AMDHD2: variants seen among roughly 807,000 people sequenced by gnomAD.
AMDHD2 encodes amidohydrolase domain containing 2, also known as N-acetylglucosamine-6-phosphate deacetylase.
A neutral mutation model predicts 41.8 loss-of-function variants in AMDHD2; 24 were observed. The observed-to-expected ratio is 0.57, with a 90% confidence interval of 0.42 to 0.81. The LOEUF (loss-of-function observed/expected upper bound fraction) is 0.81. AMDHD2 is among the 30% of genes least tolerant of loss of function. AMDHD2 has a pLI of 0.00. For missense variants in AMDHD2, 540 were observed against 588.5 expected (o/e 0.92, Z 0.85); for synonymous variants, 332 against 255.5 (o/e 1.30, Z -2.85).
In AMDHD2 at chr16:2,527,479, C is replaced by G. The variant is rs1415809636; in HGVS notation, c.361-82C>G. ...TGGGTGCTGGGCTCTGAACTCTGAC[C>G]TGAGATCTCTGGCCTTGGCTAGGCT... is the stretch of plus-strand genomic sequence containing the variant. On this transcript the variant is annotated intron_variant, in intron 3 of 10. Transcript: ENST00000293971. This position sits in a 1 kb window ranked among gnomAD's most constrained non-coding sequence, Gnocchi z 6.1. 1.3e-6 allele frequency: 2 copies of G among 1,495,766 alleles called. No homozygotes were observed. Among genetic ancestry groups the G allele is most frequent in the African/African-American group, 2.7e-5 (2 of 72,760 alleles). The allele number at this position is 1,495,766 out of a possible 1,614,324, so 92.7% of individuals were successfully genotyped here.
In AMDHD2 at chr16:2,530,337, A is replaced by G; in HGVS notation, c.*774A>G. ...GGCACCAGTGTGCCCTGCTCACCCC[A>G]TTAGTGTCATCCTGCCATCTTCTGT... On this transcript the variant is annotated 3_prime_UTR_variant, in exon 11 of 11. Coordinates refer to ENST00000293971, the MANE Select transcript of AMDHD2 (RefSeq NM_001330449.2). The G allele has an allele frequency of 1.2e-6, 2 of 1,614,128 alleles. No homozygotes were observed. Among genetic ancestry groups the G allele is most frequent in the Non-Finnish European group, 1.7e-6 (2 of 1,180,006 alleles).
intron 9 of AMDHD2, 53 bp from the exon 10 acceptor site, chr16:2,528,941 T>G: frequency 1.3e-6 from 2 of 1,535,468 alleles, no homozygotes; most frequent in Admixed American, 4.2e-5. Flanking sequence ...TGGGGGCTGT[T>G]GGCAAAGCCA....
Position 2,529,092 on chromosome 16 carries a change from G to A in AMDHD2, c.1138G>A (p.Ala380Thr). The A allele has an allele frequency of 3.8e-6, 6 of 1,574,092 alleles. No homozygotes were observed. The highest frequency in any genetic ancestry group is 1.9e-4 in the Middle Eastern group (1 of 5,330). Reference sequence around the variant, plus strand: ...GGGGACCCTGGACTTTGGTGCTGACGCAGGTGAGGGCCTGTCGCAGGGTCA... The same window carrying A: ...GGGGACCCTGGACTTTGGTGCTGACACAGGTGAGGGCCTGTCGCAGGGTCA... ...SKGTLDFGAD[A>T]DFVVLDDSLH... The change falls in exon 10 of 11, where the codon GCA becomes ACA. Residue 380 changes from alanine to threonine, a missense_variant. Transcript: ENST00000293971.
At position 2,521,430 on chromosome 16, in the gene AMDHD2, C is replaced by T. The variant is rs368536665; in HGVS notation, c.360+307C>T. 2.7e-3 allele frequency among the ~76,000 whole-genome samples: 414 copies of T among 152,246 alleles called. 3 individuals carry two copies. The highest frequency in any genetic ancestry group is 8.6e-3 in the African/African-American group (356 of 41,548). ...CTGGCTGCCTCCAGGCTTCAGAAAC[C>T]ATCCCCTTAACCAAGGCCGCAGGGG... is the stretch of plus-strand genomic sequence containing the variant. On this transcript the variant is annotated intron_variant, in intron 3 of 10. Transcript: ENST00000293971.
chr16:2,529,170 C>T lies in AMDHD2; in HGVS notation c.1141+75C>T, dbSNP rs2066050467. ...TCTGTTGTTCCTGGGGCGGCCTGGA[C>T]AGGGCCAGGGAGGGTGGGTCCTCCC... On this transcript the variant is annotated intron_variant, in intron 10 of 10. Coordinates refer to ENST00000293971, the MANE Select transcript of AMDHD2 (RefSeq NM_001330449.2). 6.5e-6 allele frequency: 9 copies of T among 1,386,490 alleles called. No homozygotes were observed. The South Asian group carries it at 1.3e-4, about 21-fold the overall frequency. 85.9% of individuals were successfully genotyped at this position (1,386,490 alleles called of 1,614,324 possible).
At chr16:2,522,818 A>G (rs8051808) in intron 3 of AMDHD2, among the ~76,000 whole-genome samples, 9,271 of 149,710 alleles carry the variant, frequency 0.062, 959 homozygotes, top group African/African-American at 0.21. Context: ...CTGGCCCATC[A>G]TGCCTGTTTA....
rs1008447142 is a variant in AMDHD2, at chr16:2,527,097, C to T, written c.361-464C>T. 6 of 196,648 alleles carry T rather than the reference C, an allele frequency of 3.1e-5. No individual in the cohort carries two copies. Among genetic ancestry groups the T allele is most frequent in the Admixed American group, 2.4e-4 (4 of 16,436 alleles). The allele number at this position is 196,648 out of a possible 1,614,324, so 12.2% of individuals were successfully genotyped here. A position where few individuals can be genotyped will look rare whatever the true frequency, so the allele number is the denominator to read the frequency against. The stretch of plus-strand genomic sequence containing the variant: ...CTGGACTGCCTGCCCACCTGTTAGC[C>T]TCTGAGATGTGTGGTGTGAGCCCGT... On this transcript the variant is annotated intron_variant, in intron 3 of 10. Coordinates refer to ENST00000293971, the MANE Select transcript of AMDHD2 (RefSeq NM_001330449.2). The surrounding 1 kb of genome is among the most constrained non-coding windows in gnomAD (Gnocchi z 6.1).
Position 2,528,109 on chromosome 16 carries a change from A to G in AMDHD2, c.678A>G (p.Gly226=). Residue 226 remains glycine, a synonymous_variant, in exon 6 of 11, where the codon GGA becomes GGG. Coordinates refer to ENST00000293971, the MANE Select transcript of AMDHD2 (RefSeq NM_001330449.2). ...LRAAEDAVWS[G]ATFITHLFNA... is the part of the protein sequence containing the mutation. ...CGGCAGAGGATGCTGTGTGGAGCGG[A>G]GCCACCTTCATCACCCACCTCTTCA... 6.2e-7 allele frequency: 1 copy of G among 1,612,968 alleles called. No homozygotes were observed. The highest frequency in any genetic ancestry group is 8.5e-7 in the Non-Finnish European group (1 of 1,179,832).
Position 2,530,341 on chromosome 16 carries a change from G to A in AMDHD2, c.*778G>A. The stretch of plus-strand genomic sequence containing the variant: ...CCAGTGTGCCCTGCTCACCCCATTA[G>A]TGTCATCCTGCCATCTTCTGTGTCC... On this transcript the variant is annotated 3_prime_UTR_variant, in exon 11 of 11. Transcript: ENST00000293971. 1 of 1,614,170 alleles carries A rather than the reference G, an allele frequency of 6.2e-7. No homozygotes were observed. Among genetic ancestry groups the A allele is most frequent in the Admixed American group, 1.7e-5 (1 of 60,022 alleles).
In AMDHD2 at chr16:2,521,129, G is replaced by GTGAGGCT; in HGVS notation, c.360+7_360+13dup. On this transcript the variant is annotated splice_region_variant and intron_variant, in intron 3 of 10. Coordinates refer to ENST00000293971, the MANE Select transcript of AMDHD2 (RefSeq NM_001330449.2). The stretch of plus-strand genomic sequence containing the variant: ...CACCGGAGGTTTATCACAAGGTGAG[G>GTGAGGCT]TGAGGCTCCCTGGCTGAGGTGGAGG... 6.4e-7 allele frequency: 1 copy of GTGAGGCT among 1,565,360 alleles called. No homozygotes were observed. The highest frequency in any genetic ancestry group is 1.8e-5 in the Admixed American group (1 of 54,702).
intron 3 of AMDHD2, among the ~76,000 whole-genome samples, chr16:2,524,179 C>T (rs980197679): frequency 1.3e-5 from 2 of 152,252 alleles, no homozygotes; most frequent in South Asian, 2.1e-4. Flanking sequence ...CACGCCACCT[C>T]TTCCAGGGCC....
chr16:2,529,610 A>T lies in AMDHD2; in HGVS notation c.*47A>T. ...CACCTGGCCGCAGCGGGATGCCATC[A>T]GGGCCGGGTGGTTGGGGAGCTGGTC... On this transcript the variant is annotated 3_prime_UTR_variant, in exon 11 of 11. Transcript: ENST00000293971. 1 of 1,600,768 alleles carries T rather than the reference A, an allele frequency of 6.2e-7. No individual in the cohort carries two copies. The highest frequency in any genetic ancestry group is 8.5e-7 in the Non-Finnish European group (1 of 1,179,142).
At chr16:2,529,158 G>T in intron 10 of AMDHD2, 63 bp downstream of exon 10, 1 of 1,444,250 alleles carries the variant, frequency 6.9e-7, no homozygotes, top group East Asian at 2.5e-5. Context: ...GTTGTTCCTG[G>T]GGCGGCCTGG....
In AMDHD2 at chr16:2,529,470, C is replaced by A; in HGVS notation, c.1142-5C>A. 1 of 1,609,826 alleles carries A rather than the reference C, an allele frequency of 6.2e-7. No homozygotes were observed. The highest frequency in any genetic ancestry group is 8.5e-7 in the Non-Finnish European group (1 of 1,179,938). ...CCCCCTACTCATTGCCCGGCTCTGT[C>A]CCAGACTTCGTGGTGCTCGACGACT... On this transcript the variant is annotated splice_polypyrimidine_tract_variant and splice_region_variant and intron_variant, in intron 10 of 10. Coordinates refer to ENST00000293971, the MANE Select transcript of AMDHD2 (RefSeq NM_001330449.2).
In AMDHD2 at chr16:2,527,713, C is replaced by T; in HGVS notation, c.416-60C>T. 2 of 1,553,812 alleles carry T rather than the reference C, an allele frequency of 1.3e-6. No homozygotes were observed. Among genetic ancestry groups the T allele is most frequent in the African/African-American group, 1.4e-5 (1 of 73,936 alleles). The stretch of plus-strand genomic sequence containing the variant: ...CCAGATGCCCAGCTGGTGGGGAGGG[C>T]AGGTGATAAGGGCTGGGTGGGGCAG... On this transcript the variant is annotated intron_variant, in intron 4 of 10. Transcript: ENST00000293971. This position sits in a 1 kb window ranked among gnomAD's most constrained non-coding sequence, Gnocchi z 6.1.
chr16:2,528,529 G>C lies in AMDHD2; in HGVS notation c.940G>C (p.Glu314Gln), dbSNP rs2066038935. 2 of 1,612,662 alleles carry C rather than the reference G, an allele frequency of 1.2e-6. No homozygotes were observed. The highest frequency in any genetic ancestry group is 1.7e-6 in the Non-Finnish European group (2 of 1,179,936). The stretch of plus-strand genomic sequence containing the variant: ...GCACACGCTGGGACAGCAGGAAGTG[G>C]AAGTGGACGGTCTGACGGCCTACGT... Reference protein sequence around the residue: ...GRHTLGQQEVEVDGLTAYVAG... With the variant: ...GRHTLGQQEVQVDGLTAYVAG... Residue 314 changes from glutamate to glutamine, a missense_variant, in exon 8 of 11, where the codon GAA becomes CAA. Transcript: ENST00000293971.
chr16:2,531,246 C>T lies in AMDHD2; in HGVS notation c.*1683C>T. Reference sequence around the variant, plus strand: ...GGAGGGGCTGGCAGAGATGGTTGGTCCACAGGGCTAGCCCTGGGTGGTGGG... The same window carrying T: ...GGAGGGGCTGGCAGAGATGGTTGGTTCACAGGGCTAGCCCTGGGTGGTGGG... On this transcript the variant is annotated 3_prime_UTR_variant, in exon 11 of 11. Coordinates refer to ENST00000293971, the MANE Select transcript of AMDHD2 (RefSeq NM_001330449.2). The T allele has an allele frequency of 1.2e-6, 1 of 818,528 alleles. No homozygotes were observed. Among genetic ancestry groups the T allele is most frequent in the Admixed American group, 2.9e-5 (1 of 34,106 alleles). 50.7% of individuals were successfully genotyped at this position (818,528 alleles called of 1,614,324 possible). A position where few individuals can be genotyped will look rare whatever the true frequency, so the allele number is the denominator to read the frequency against.
At position 2,527,488 on chromosome 16, in the gene AMDHD2, C is replaced by T. The variant is rs765795318; in HGVS notation, c.361-73C>T. The T allele has an allele frequency of 5.9e-6, 9 of 1,531,554 alleles. No homozygotes were observed. Among genetic ancestry groups the T allele is most frequent in the Non-Finnish European group, 7.1e-6 (8 of 1,121,968 alleles). 94.9% of individuals were successfully genotyped at this position (1,531,554 alleles called of 1,614,324 possible). ...GGCTCTGAACTCTGACCTGAGATCT[C>T]TGGCCTTGGCTAGGCTGTGGCCTCT... On this transcript the variant is annotated intron_variant, in intron 3 of 10. Transcript: ENST00000293971. This position sits in a 1 kb window ranked among gnomAD's most constrained non-coding sequence, Gnocchi z 6.1.
In AMDHD2 at chr16:2,530,295, T is replaced by C; in HGVS notation, c.*732T>C. 1 of 1,613,906 alleles carries C rather than the reference T, an allele frequency of 6.2e-7. No individual in the cohort carries two copies. The highest frequency in any genetic ancestry group is 8.5e-7 in the Non-Finnish European group (1 of 1,179,952). On this transcript the variant is annotated 3_prime_UTR_variant, in exon 11 of 11. Transcript: ENST00000293971. ...CGGCTGTGGTGACCCTGCCTGGTGC[T>C]GGAGGGCAGTATGGGAGGCACCAGT...
Sources: gnomAD v4.1 joint callset for allele counts (sites outside exome capture counted in the v4.1 genomes callset) on GRCh38, gnomAD v4.1.1 for gene constraint, Gnocchi (gnomAD v3.1) non-coding constraint, MANE v1.5 for transcripts, NCBI Gene and HGNC (gene_info 2026-07-23, HGNC 2026-07-21) for gene names.